The following DLEC1 variants were observed in gnomAD, a reference collection of about 807,000 sequenced individuals.
DLEC1 encodes the protein deleted in lung and esophageal cancer protein 1.
Under a neutral mutation model 198.1 loss-of-function variants are expected in DLEC1, and 146 were observed. The observed-to-expected ratio is 0.74, with a 90% CI of 0.64 to 0.85. The LOEUF (loss-of-function observed/expected upper bound fraction) is 0.85. DLEC1 is among the 40% of genes least tolerant of loss of function. The pLI, the probability that DLEC1 is intolerant of heterozygous loss-of-function variation, is 0.00. For synonymous variants in DLEC1, 897 were observed against 866.8 expected (o/e 1.03, Z -0.61); for missense variants, 2,233 against 2,220.0 (o/e 1.01, Z -0.12).
rs141938666 is a variant in DLEC1, at chr3:38,107,642, G to A, written c.2923G>A (p.Val975Met). ...CCATGTGTACCTACAGAGCAGCCAGGTGGAGGTTAGAAATCTCTACCTGGG... is the reference window on the plus strand; with the variant it reads ...CCATGTGTACCTACAGAGCAGCCAGATGGAGGTTAGAAATCTCTACCTGGG... ...KPHVYLQSSQ[V>M]EVRNLYLGVP... is the part of the protein sequence containing the mutation. The change falls in exon 20 of 37, where the codon GTG (valine) becomes ATG (methionine). Residue 975 changes from valine (V) to methionine (M), a missense_variant. Coordinates refer to ENST00000308059, the MANE Select transcript of DLEC1 (RefSeq NM_007335.4). 173 of 1,614,120 alleles carry A rather than the reference G, an allele frequency of 1.1e-4. 1 individual carries two copies. The East Asian group carries it at 3.5e-3, about 33-fold the overall frequency.
intron 2 of DLEC1, among the ~76,000 whole-genome samples, chr3:38,054,865 C>A (rs1319122588): frequency 6.6e-6 from 1 of 152,170 alleles, no homozygotes; most frequent in African/African-American, 2.4e-5. Context: ...TCAGCAGAAC[C>A]ACAGCGGAAC....
Position 38,082,903 on chromosome 3 carries a change from C to T in DLEC1, c.1174-1255C>T, listed in dbSNP as rs1012408152. On this transcript the variant is annotated intron_variant, in intron 6 of 36. Transcript: ENST00000308059. ...GAGGTGTCCCTGCAATGATTAAACA[C>T]TACGGGAAGGCTGCCTTCCCAGTCC... 2.6e-5 allele frequency among the ~76,000 whole-genome samples: 4 copies of T among 152,318 alleles called. 1 individual carries two copies. In the South Asian group the frequency reaches 6.2e-4, roughly 24 times the overall value.
intron 6 of DLEC1, among the ~76,000 whole-genome samples, chr3:38,078,229 G>A (rs1697746619): frequency 6.6e-6 from 1 of 152,158 alleles, no homozygotes; most frequent in Non-Finnish European, 1.5e-5. Context: ...AAGGAGCCGG[G>A]GAGCAGAAAG....
Position 38,055,245 on chromosome 3 carries a change from G to A in DLEC1, c.563-4497G>A, listed in dbSNP as rs142784369. 1.4e-3 allele frequency among the ~76,000 whole-genome samples: 220 copies of A among 152,294 alleles called. 1 individual carries two copies. The highest frequency in any genetic ancestry group is 2.6e-3 in the Non-Finnish European group (180 of 68,036). Reference sequence around the variant, plus strand: ...GGGACATGAGGCTTAAAGTGACAGTGGCCAGGAATTTTCTGTAAGTTATGA... The same window carrying A: ...GGGACATGAGGCTTAAAGTGACAGTAGCCAGGAATTTTCTGTAAGTTATGA... On this transcript the variant is annotated intron_variant, in intron 2 of 36. Transcript: ENST00000308059.
chr3:38,114,051 T>C (rs148651644), intron 25 of DLEC1, among the ~76,000 whole-genome samples: 146 of 150,078 alleles, frequency 9.7e-4, no homozygotes, highest in African/African-American at 3.3e-3. Context: ...GGCAGGAAGA[T>C]TGCTTGAGGC....
intron 36 of DLEC1, 45 bp from the exon 37 acceptor site, chr3:38,122,244 C>T (rs1256789356): frequency 1.2e-6 from 2 of 1,608,626 alleles, no homozygotes; most frequent in Non-Finnish European, 1.7e-6. Flanking sequence ...CCTGGACCCC[C>T]TGCCCAGGTG....
At position 38,053,344 on chromosome 3, in the gene DLEC1, G is replaced by A. The variant is rs527859814; in HGVS notation, c.563-6398G>A. On this transcript the variant is annotated intron_variant, in intron 2 of 36. Transcript: ENST00000308059. ...GGCCGCCATCCCATCTAGGAAGTGA[G>A]GAGCGTCTCTGCCCGGCCGCCCATT... Among the ~76,000 whole-genome samples the A allele has an allele frequency of 1.5e-3, 226 of 152,050 alleles. 1 individual carries two copies. Among genetic ancestry groups the A allele is most frequent in the Non-Finnish European group, 2.8e-3 (191 of 67,944 alleles).
chr3:38,050,162 G>T (rs922355217), intron 2 of DLEC1, among the ~76,000 whole-genome samples: 4 of 151,696 alleles, frequency 2.6e-5, no homozygotes, highest in African/African-American at 9.7e-5. Flanking sequence ...CCTGACTCCT[G>T]GGCTCAAGTA....
chr3:38,090,659 T>C (rs979647393), intron 10 of DLEC1, among the ~76,000 whole-genome samples: 2 of 152,230 alleles, frequency 1.3e-5, no homozygotes, highest in African/African-American at 4.8e-5. Flanking sequence ...ATCCAGCGCT[T>C]TGTGCCCTCA....
chr3:38,097,495 C>T lies in DLEC1; in HGVS notation c.2435-12C>T, dbSNP rs764525016. On this transcript the variant is annotated splice_polypyrimidine_tract_variant and intron_variant, in intron 16 of 36. Coordinates refer to ENST00000308059, the MANE Select transcript of DLEC1 (RefSeq NM_007335.4). ...TTCTCCTCTCCACCTCTCCCTTTCCCTCTCTTCTCAGAGCCCAGTGAGGTC... is the reference window on the plus strand; with the variant it reads ...TTCTCCTCTCCACCTCTCCCTTTCCTTCTCTTCTCAGAGCCCAGTGAGGTC... The T allele has an allele frequency of 6.2e-7, 1 of 1,613,938 alleles. No homozygotes were observed. Among genetic ancestry groups the T allele is most frequent in the East Asian group, 2.2e-5 (1 of 44,864 alleles).
intron 6 of DLEC1, among the ~76,000 whole-genome samples, chr3:38,069,487 A>G (rs1000716420): frequency 8.6e-5 from 13 of 151,726 alleles, no homozygotes; most frequent in Non-Finnish European, 1.5e-4. Flanking sequence ...AACAGTAAGG[A>G]ACAACACACA....
chr3:38,071,480 A>G (rs1697313077), intron 6 of DLEC1, among the ~76,000 whole-genome samples: 1 of 152,182 alleles, frequency 6.6e-6, no homozygotes, highest in South Asian at 2.1e-4. Flanking sequence ...GTGAGGCTGG[A>G]AGGAGGTATT....
At chr3:38,079,366 C>T (rs1466544924) in intron 6 of DLEC1, among the ~76,000 whole-genome samples, 2 of 152,108 alleles carry the variant, frequency 1.3e-5, no homozygotes, top group Non-Finnish European at 2.9e-5. Context: ...TCAATACCCA[C>T]AACAGTTATG....
Position 38,097,491 on chromosome 3 carries a change from T to C in DLEC1, c.2435-16T>C. On this transcript the variant is annotated splice_polypyrimidine_tract_variant and intron_variant, in intron 16 of 36. Coordinates refer to ENST00000308059, the MANE Select transcript of DLEC1 (RefSeq NM_007335.4). ...CTGCTTCTCCTCTCCACCTCTCCCTTTCCCTCTCTTCTCAGAGCCCAGTGA... is the reference window on the plus strand; with the variant it reads ...CTGCTTCTCCTCTCCACCTCTCCCTCTCCCTCTCTTCTCAGAGCCCAGTGA... 1 of 1,613,916 alleles carries C rather than the reference T, an allele frequency of 6.2e-7. No homozygotes were observed. The highest frequency in any genetic ancestry group is 8.5e-7 in the Non-Finnish European group (1 of 1,179,840).
chr3:38,076,537 G>C (rs906483948), intron 6 of DLEC1, among the ~76,000 whole-genome samples: 1 of 152,146 alleles, frequency 6.6e-6, no homozygotes, highest in East Asian at 1.9e-4. Context: ...GATGAGCCAG[G>C]AAAAGGACTT....
Position 38,095,247 on chromosome 3 carries a change from G to A in DLEC1, c.2112+176G>A, listed in dbSNP as rs1004164435. 10 of 702,216 alleles carry A rather than the reference G, an allele frequency of 1.4e-5. No homozygotes were observed. The African/African-American group carries it at 1.8e-4, about 13-fold the overall frequency. 43.5% of individuals were successfully genotyped at this position (702,216 alleles called of 1,614,324 possible). On this transcript the variant is annotated intron_variant, in intron 13 of 36. Coordinates refer to ENST00000308059, the MANE Select transcript of DLEC1 (RefSeq NM_007335.4). ...CACACCTGGTGTGCAGGGTGAAGCA[G>A]CTCATTTTGTCTGGTCCTGATCCCA...
At chr3:38,044,747 C>A (rs1700806799) in intron 1 of DLEC1, among the ~76,000 whole-genome samples, 1 of 152,176 alleles carries the variant, frequency 6.6e-6, no homozygotes, top group South Asian at 2.1e-4. Context: ...CCAGTGAGCT[C>A]TCTGCTTCTT....
In DLEC1 at chr3:38,122,823, C is replaced by A. The variant is rs1008199188; in HGVS notation, c.*411C>A. On this transcript the variant is annotated 3_prime_UTR_variant, in exon 37 of 37. Transcript: ENST00000308059. ...CCTGGGTGACCCAGGCTGCTTTTAT[C>A]TTGCACAGCTAAAGAGGGTCTGATG... 3.5e-6 allele frequency: 3 copies of A among 863,278 alleles called. No homozygotes were observed. Among genetic ancestry groups the A allele is most frequent in the Middle Eastern group, 7.2e-4 (2 of 2,772 alleles). The allele number at this position is 863,278 out of a possible 1,614,324, so 53.5% of individuals were successfully genotyped here.
chr3:38,107,006 G>A (rs1439259383), intron 19 of DLEC1, among the ~76,000 whole-genome samples: 1 of 152,158 alleles, frequency 6.6e-6, no homozygotes, highest in Non-Finnish European at 1.5e-5. Flanking sequence ...TGCAGGACAA[G>A]TGGCCACCCC....
Sources: gnomAD v4.1 joint callset for allele counts (sites outside exome capture counted in the v4.1 genomes callset) on GRCh38, gnomAD v4.1.1 for gene constraint, MANE v1.5 for transcripts, NCBI Gene and HGNC (gene_info 2026-07-23, HGNC 2026-07-21) for gene names.